Variants in SAMTOR observed in about 807,000 individuals in gnomAD.
SAMTOR encodes the protein UPF0532 protein C7orf60.
the SAMTOR span, among the ~76,000 whole-genome samples, chr7:112,852,404 C>T: frequency 6.6e-6 from 1 of 151,878 alleles, no homozygotes; most frequent in African/African-American, 2.4e-5. Flanking sequence ...AGCAATGTGA[C>T]AAACACATTG....
the SAMTOR span, among the ~76,000 whole-genome samples, chr7:112,883,288 C>A: frequency 6.6e-6 from 1 of 152,122 alleles, no homozygotes; most frequent in Admixed American, 6.5e-5. Flanking sequence ...ATATGTCCTT[C>A]CATCCTTTCC....
chr7:112,912,919 C>T, the SAMTOR span, among the ~76,000 whole-genome samples: 2 of 152,100 alleles, frequency 1.3e-5, no homozygotes, highest in African/African-American at 4.8e-5. Context: ...TATCAAAGTT[C>T]ATTTAAGAGA....
At chr7:112,839,350 C>T in the SAMTOR span, among the ~76,000 whole-genome samples, 1 of 151,836 alleles carries the variant, frequency 6.6e-6, no homozygotes, top group Non-Finnish European at 1.5e-5. Flanking sequence ...AGAAATTAAT[C>T]ACCATTTTGC....
At chr7:112,929,958 A>C in the SAMTOR span, among the ~76,000 whole-genome samples, 50 of 146,742 alleles carry the variant, frequency 3.4e-4, no homozygotes, top group Non-Finnish European at 2.6e-4. Context: ...TATTTCATTA[A>C]ATTTGAGGGC....
the SAMTOR span, among the ~76,000 whole-genome samples, chr7:112,886,931 C>T: frequency 2.6e-5 from 4 of 152,072 alleles, no homozygotes; most frequent in African/African-American, 9.7e-5. Flanking sequence ...CTTTGGAGGC[C>T]GAGGAAGGCA....
chr7:112,906,706 G>C, the SAMTOR span, among the ~76,000 whole-genome samples: 3 of 151,776 alleles, frequency 2.0e-5, no homozygotes, highest in Non-Finnish European at 2.9e-5. Context: ...CAAGTAGCTG[G>C]GACTACAGGT....
the SAMTOR span, among the ~76,000 whole-genome samples, chr7:112,885,143 C>A: frequency 1.4e-5 from 2 of 147,896 alleles, no homozygotes; most frequent in Middle Eastern, 3.4e-3. Context: ...ATGCAGGGCA[C>A]CATGTCTCAA....
At chr7:112,873,214 AC>A in the SAMTOR span, among the ~76,000 whole-genome samples, 2 of 152,108 alleles carry the variant, frequency 1.3e-5, no homozygotes, top group East Asian at 3.9e-4. Flanking sequence ...TAAAAAAAAA[AC>A]TATTCTAAAA....
chr7:112,859,746 A>G, the SAMTOR span, among the ~76,000 whole-genome samples: 1 of 152,264 alleles, frequency 6.6e-6, no homozygotes, highest in Non-Finnish European at 1.5e-5. Flanking sequence ...GAATAAGAAT[A>G]TAAAGGAAGA....
chr7:112,887,413 G>A, the SAMTOR span, among the ~76,000 whole-genome samples: 1 of 152,074 alleles, frequency 6.6e-6, no homozygotes, highest in African/African-American at 2.4e-5. Context: ...ATTTGGAAAT[G>A]GGAAAACTGG....
At chr7:112,937,078 A>G in the SAMTOR span, among the ~76,000 whole-genome samples, 1 of 152,214 alleles carries the variant, frequency 6.6e-6, no homozygotes, top group African/African-American at 2.4e-5. Context: ...AAGCTATTAG[A>G]TCACCACTCT....
At chr7:112,906,145 A>G in the SAMTOR span, among the ~76,000 whole-genome samples, 31 of 152,330 alleles carry the variant, frequency 2.0e-4, no homozygotes, top group Non-Finnish European at 4.3e-4. Flanking sequence ...CAAGAAGTGC[A>G]TCATTAAGGT....
At chr7:112,871,043 A>G in the SAMTOR span, among the ~76,000 whole-genome samples, 1 of 152,206 alleles carries the variant, frequency 6.6e-6, no homozygotes, top group African/African-American at 2.4e-5. Flanking sequence ...AATTACTTCT[A>G]TAGTCAGGAA....
At chr7:112,933,093 A>G in the SAMTOR span, among the ~76,000 whole-genome samples, 1 of 152,208 alleles carries the variant, frequency 6.6e-6, no homozygotes, top group African/African-American at 2.4e-5. Flanking sequence ...CTGAAGACAT[A>G]AAGACAGAAT....
At chr7:112,881,381 G>T in the SAMTOR span, among the ~76,000 whole-genome samples, 3 of 152,190 alleles carry the variant, frequency 2.0e-5, no homozygotes, top group East Asian at 5.8e-4. Context: ...GGGCTGACTT[G>T]TCAGTTCCAG....
chr7:112,912,251 AATAGTGTGTTTATAGT>A, the SAMTOR span, among the ~76,000 whole-genome samples: 6 of 152,030 alleles, frequency 3.9e-5, no homozygotes, highest in African/African-American at 1.4e-4. Flanking sequence ...TAGTTCAGGA[AATAGTGTGTTTATAGT>A]ATATATTTCT....
the SAMTOR span, among the ~76,000 whole-genome samples, chr7:112,911,376 C>A: frequency 2.5e-3 from 381 of 152,268 alleles, 1 homozygote; most frequent in African/African-American, 8.4e-3. Context: ...CTAAAGAGGT[C>A]ATCCAGCTCC....
At chr7:112,830,715 G>C in the SAMTOR span, among the ~76,000 whole-genome samples, 1 of 152,154 alleles carries the variant, frequency 6.6e-6, no homozygotes, top group Non-Finnish European at 1.5e-5. Context: ...TTTAGGACTT[G>C]CTTGTTCCTT....
chr7:112,825,742 C>A, the SAMTOR span, among the ~76,000 whole-genome samples: 6 of 152,102 alleles, frequency 3.9e-5, no homozygotes, highest in African/African-American at 1.4e-4. Context: ...AGTAAACATC[C>A]TTATCTTGTT....
Sources: allele counts gnomAD v4.1 joint callset (sites outside exome capture counted in the v4.1 genomes callset), GRCh38; gene constraint gnomAD v4.1.1; transcripts MANE v1.5; gene names NCBI Gene and HGNC (gene_info 2026-07-23, HGNC 2026-07-21).